ZBTB46: variants seen among roughly 807,000 people sequenced by gnomAD.
ZBTB46 encodes zinc finger and BTB domain containing 46.
In ZBTB46, 8 loss-of-function variants were observed where a neutral mutation model predicts 44.1. The observed-to-expected ratio is 0.18, with a 90% CI of 0.11 to 0.33. The LOEUF (loss-of-function observed/expected upper bound fraction) is 0.33, where lower values mean the gene tolerates loss of function less well. Among genes scored for constraint, ZBTB46 ranks in the 10% least tolerant of loss-of-function variants. The probability of loss-of-function intolerance (pLI) is 1.00; values close to 1 mark genes in which losing one functional copy is unlikely to be tolerated. For synonymous variants in ZBTB46, 409 were observed against 382.3 expected, an observed-to-expected ratio of 1.07 and a Z score of -0.81; for missense variants, 651 against 847.7, an observed-to-expected ratio of 0.77 and a Z score of 2.88.
upstream of ZBTB46, among the ~76,000 whole-genome samples, chr20:63,832,827 G>A (rs1162484240): frequency 1.3e-5 from 2 of 152,160 alleles, no homozygotes; most frequent in African/African-American, 4.8e-5. The surrounding 1 kb of genome is among the most constrained non-coding windows in gnomAD (Gnocchi z 5.0). Context: ...CCTGAGAAGA[G>A]GCGGCTTCCA....
chr20:63,792,339 T>A (rs2092567745), intron 1 of ZBTB46, among the ~76,000 whole-genome samples: 1 of 152,154 alleles, frequency 6.6e-6, no homozygotes, highest in South Asian at 2.1e-4. Flanking sequence ...ATGCTAAATG[T>A]GTTTAATAGG....
In ZBTB46 at chr20:63,789,815, GCTTA is replaced by G. The variant is rs1348045701; in HGVS notation, c.937+2_937+5del. The stretch of plus-strand genomic sequence containing the variant: ...GCTGAGCCCCCGTAACGAGTGAAAG[GCTTA>G]CTTGAGTCTCGGCTGCTGAACGGCC... On this transcript the variant is annotated splice_donor_variant and splice_donor_5th_base_variant and intron_variant, in intron 2 of 4. Coordinates refer to ENST00000245663, the MANE Select transcript of ZBTB46 (RefSeq NM_001369741.1). LOFTEE classifies it high-confidence loss of function. 6.2e-7 allele frequency: 1 copy of G among 1,604,128 alleles called. No homozygotes were observed. Among genetic ancestry groups the G allele is most frequent in the Non-Finnish European group, 8.5e-7 (1 of 1,176,980 alleles).
intron 1 of ZBTB46, among the ~76,000 whole-genome samples, chr20:63,804,923 C>CT (rs796503047): frequency 0.098 from 13,555 of 138,364 alleles, 1,099 homozygotes; most frequent in African/African-American, 0.22. Flanking sequence ...ACCTACATGA[C>CT]TTTTTTTTTT....
intron 4 of ZBTB46, among the ~76,000 whole-genome samples, chr20:63,747,534 G>C (rs1392195467): frequency 8.9e-6 from 1 of 112,060 alleles, no homozygotes; most frequent in Non-Finnish European, 1.9e-5. Context: ...GGGCCTGGTG[G>C]GTGGGGGGGG....
rs1328234878 is a variant in ZBTB46, at chr20:63,790,485, G to A, written c.273C>T (p.Tyr91=). The change falls in exon 2 of 5, where the codon TAC becomes TAT. Residue 91 remains tyrosine, a synonymous_variant. Transcript: ENST00000245663. Reference sequence around the variant, plus strand: ...TGCTGGTGAGCGCCAGGTGCGCTGAGTACATGAAGTCGATGATGGCCTTGA... The same window carrying A: ...TGCTGGTGAGCGCCAGGTGCGCTGAATACATGAAGTCGATGATGGCCTTGA... ...QGFKAIIDFM[Y]SAHLALTSRN... is the part of the protein sequence containing the mutation. 1.1e-5 allele frequency: 17 copies of A among 1,613,342 alleles called. No homozygotes were observed. Among genetic ancestry groups the A allele is most frequent in the Non-Finnish European group, 1.4e-5 (17 of 1,179,880 alleles).
chr20:63,805,340 A>C (rs1287975616), intron 1 of ZBTB46, among the ~76,000 whole-genome samples: 1 of 152,204 alleles, frequency 6.6e-6, no homozygotes, highest in Non-Finnish European at 1.5e-5. Context: ...ACACACCTCT[A>C]ATCGCAGCAC....
At chr20:63,809,961 C>CAA (rs61473496) in intron 1 of ZBTB46, among the ~76,000 whole-genome samples, 10,872 of 135,874 alleles carry the variant, frequency 0.08, 801 homozygotes, top group East Asian at 0.42. Context: ...GGCCCTCTCT[C>CAA]AAAAAAAAAA....
upstream of ZBTB46, among the ~76,000 whole-genome samples, chr20:63,832,558 G>C (rs908861099): frequency 1.3e-5 from 2 of 152,218 alleles, no homozygotes; most frequent in African/African-American, 2.4e-5. This position sits in a 1 kb window ranked among gnomAD's most constrained non-coding sequence, Gnocchi z 5.0. Flanking sequence ...CCATGAGTGA[G>C]CAAAGGCGAA....
chr20:63,783,651 T>G (rs950300119), intron 2 of ZBTB46, among the ~76,000 whole-genome samples: 2 of 152,202 alleles, frequency 1.3e-5, no homozygotes, highest in African/African-American at 2.4e-5. Flanking sequence ...AGCTGAGTTC[T>G]CAAGCTTCCC....
chr20:63,817,012 G>A (rs918682094), intron 1 of ZBTB46, among the ~76,000 whole-genome samples: 1 of 152,144 alleles, frequency 6.6e-6, no homozygotes, highest in Non-Finnish European at 1.5e-5. Flanking sequence ...GGCTGAGGCA[G>A]GAGAATCGCT....
intron 1 of ZBTB46, among the ~76,000 whole-genome samples, chr20:63,815,391 G>A (rs1370679879): frequency 6.6e-6 from 1 of 151,484 alleles, no homozygotes; most frequent in Admixed American, 6.6e-5. Context: ...GGTGCAGTGA[G>A]TGCAGGTGCA....
At chr20:63,801,920 C>T (rs1601503181) in intron 1 of ZBTB46, among the ~76,000 whole-genome samples, 3 of 152,122 alleles carry the variant, frequency 2.0e-5, no homozygotes, top group Admixed American at 6.6e-5. Context: ...GTTTGCTGCA[C>T]GTAAATTATG....
intron 1 of ZBTB46, among the ~76,000 whole-genome samples, chr20:63,818,562 A>T (rs994068235): frequency 6.6e-6 from 1 of 152,180 alleles, no homozygotes; most frequent in Non-Finnish European, 1.5e-5. Context: ...GCATGTCAAG[A>T]AAAGCATCAC....
At position 63,827,965 on chromosome 20, in the gene ZBTB46, G is replaced by A. The variant is rs1427642761; in HGVS notation, c.-34+3132C>T. Among the ~76,000 whole-genome samples the A allele has an allele frequency of 2.6e-5, 4 of 152,156 alleles. No individual in the cohort carries two copies. In the East Asian group the frequency reaches 7.7e-4, roughly 29 times the overall value. ...AGACAAGGCCTCGCTCTGTTGCCCA[G>A]GCTGGAGTCCAGTGGCACAATCATA... On this transcript the variant is annotated intron_variant, in intron 1 of 4. Transcript: ENST00000245663.
rs568344981 is a variant in ZBTB46, at chr20:63,789,856, G to A, written c.902C>T (p.Pro301Leu). Residue 301 changes from proline to leucine, a missense_variant, in exon 2 of 5, where the codon CCG (proline) becomes CTG (leucine). Transcript: ENST00000245663. Reference sequence around the variant, plus strand: ...GCTGCTGAACGGCCACCCCGACGTCGGCAGGAAGGACGGCACCGGGGAGCT... The same window carrying A: ...GCTGCTGAACGGCCACCCCGACGTCAGCAGGAAGGACGGCACCGGGGAGCT... ...RASSPVPSFL[P>L]TSGWPFSSRD... 1.9e-6 allele frequency: 3 copies of A among 1,612,798 alleles called. No individual in the cohort carries two copies. The highest frequency in any genetic ancestry group is 2.2e-5 in the East Asian group (1 of 44,882).
intron 4 of ZBTB46, among the ~76,000 whole-genome samples, chr20:63,748,690 G>A (rs147552793): frequency 3.9e-5 from 6 of 152,304 alleles, no homozygotes; most frequent in African/African-American, 9.6e-5. Context: ...GGCTGAACCC[G>A]GCAATGACCC....
chr20:63,761,838 T>C (rs907354966), intron 3 of ZBTB46, among the ~76,000 whole-genome samples: 2 of 151,606 alleles, frequency 1.3e-5, no homozygotes, highest in Non-Finnish European at 1.5e-5. Flanking sequence ...GACTTGAGGG[T>C]TGTGTAAACG....
chr20:63,775,733 C>T lies in ZBTB46; in HGVS notation c.1167G>A (p.Gly389=), dbSNP rs765879687. The change falls in exon 3 of 5, where the codon GGG becomes GGA. Residue 389 remains glycine (G), a synonymous_variant. Transcript: ENST00000245663. ...ACTCGAACAGCAGGGAGCCGTCATC[C>T]CCCAGCACGTCGGCCTTCAGCGACA... ...SLLSLKADVL[G]DDGSLLFEYL... is the part of the protein sequence containing the mutation. 2.7e-5 allele frequency: 43 copies of T among 1,610,812 alleles called. No homozygotes were observed. Among genetic ancestry groups the T allele is most frequent in the Middle Eastern group, 3.3e-4 (2 of 6,054 alleles).
intron 1 of ZBTB46, among the ~76,000 whole-genome samples, chr20:63,809,471 G>A (rs2092705479): frequency 6.6e-6 from 1 of 152,172 alleles, no homozygotes; most frequent in African/African-American, 2.4e-5. Flanking sequence ...GCCCTCACGC[G>A]GTCCTCAGCA....
Sources: gnomAD v4.1 joint callset for allele counts (sites outside exome capture counted in the v4.1 genomes callset) on GRCh38, gnomAD v4.1.1 for gene constraint, Gnocchi (gnomAD v3.1) non-coding constraint, MANE v1.5 for transcripts, NCBI Gene and HGNC (gene_info 2026-07-23, HGNC 2026-07-21) for gene names.